The following CNTNAP2 variants were observed in gnomAD, a reference collection of about 807,000 sequenced individuals.
CNTNAP2 encodes contactin-associated protein-like 2.
Under a neutral mutation model 155.2 loss-of-function variants are expected in CNTNAP2, and 98 were observed. The observed-to-expected ratio is 0.63, with a 90% CI of 0.54 to 0.75. The LOEUF (loss-of-function observed/expected upper bound fraction) is 0.75. Ranked by LOEUF, CNTNAP2 falls within the 30% of genes least tolerant of loss-of-function variation. The pLI, the probability that CNTNAP2 is intolerant of heterozygous loss-of-function variation, is 0.00. For synonymous variants in CNTNAP2, 651 were observed against 631.2 expected (o/e 1.03, Z -0.47); for missense variants, 1,727 against 1,688.1 (o/e 1.02, Z -0.40).
chr7:146,451,847 C>CGTGTATATATACATACGTGTATATAT (rs1258913949), intron 1 of CNTNAP2, among the ~76,000 whole-genome samples: 1 of 83,748 alleles, frequency 1.2e-5, no homozygotes, highest in African/African-American at 3.7e-5. Context: ...TATATATATA[C>CGTGTATATATACATACGTGTATATAT]ACGTATTCTA....
chr7:146,216,766 AT>A (rs774047503), intron 1 of CNTNAP2, among the ~76,000 whole-genome samples: 83 of 152,370 alleles, frequency 5.4e-4, no homozygotes, highest in Non-Finnish European at 9.0e-4. Flanking sequence ...AGTGACTGTC[AT>A]TCCATAAAAT....
intron 1 of CNTNAP2, among the ~76,000 whole-genome samples, chr7:146,420,487 T>C (rs1276325152): frequency 1.3e-5 from 2 of 152,088 alleles, no homozygotes; most frequent in Non-Finnish European, 2.9e-5. Context: ...TTTAAGATTC[T>C]ATTATTGAGA....
chr7:147,766,817 TATCCCTC>T (rs1176605022), intron 13 of CNTNAP2, among the ~76,000 whole-genome samples: 1 of 152,164 alleles, frequency 6.6e-6, no homozygotes, highest in Non-Finnish European at 1.5e-5. Flanking sequence ...CTTTCTCCTG[TATCCCTC>T]ATCTGTTCTA....
chr7:148,164,012 G>C (rs993895700), intron 17 of CNTNAP2, among the ~76,000 whole-genome samples: 12 of 152,190 alleles, frequency 7.9e-5, no homozygotes, highest in African/African-American at 2.7e-4. Context: ...TCGGCTCACT[G>C]TAGCCTCTGC....
intron 3 of CNTNAP2, among the ~76,000 whole-genome samples, chr7:146,902,340 T>C (rs550486053): frequency 2.6e-5 from 4 of 152,342 alleles, no homozygotes; most frequent in Non-Finnish European, 5.9e-5. Context: ...TTTTGAAATA[T>C]ACTTTGTTTC....
chr7:147,243,221 C>T (rs931255298), intron 8 of CNTNAP2, among the ~76,000 whole-genome samples: 3 of 151,934 alleles, frequency 2.0e-5, no homozygotes, highest in Admixed American at 1.3e-4. Flanking sequence ...TGGTCTCGAT[C>T]TCCTGACCTC....
chr7:147,773,233 A>G (rs537707451), intron 13 of CNTNAP2, among the ~76,000 whole-genome samples: 3 of 152,192 alleles, frequency 2.0e-5, no homozygotes, highest in Admixed American at 2.0e-4. Flanking sequence ...TAATGGAAGT[A>G]ATTTATGCTG....
chr7:146,269,798 T>C (rs1383498016), intron 1 of CNTNAP2, among the ~76,000 whole-genome samples: 1 of 152,210 alleles, frequency 6.6e-6, no homozygotes, highest in Non-Finnish European at 1.5e-5. Context: ...TAGCTGTTGC[T>C]TCATGTGTGG....
chr7:147,924,143 C>CTTTTTTTT (rs71527854), intron 14 of CNTNAP2, among the ~76,000 whole-genome samples: 32,059 of 122,598 alleles, frequency 0.26, 5,506 homozygotes, highest in South Asian at 0.38. Context: ...CTTTTCTTTT[C>CTTTTTTTT]TTTTTTTTTT....
intron 15 of CNTNAP2, among the ~76,000 whole-genome samples, chr7:148,040,318 A>G (rs1370664773): frequency 2.0e-5 from 3 of 152,264 alleles, no homozygotes; most frequent in East Asian, 1.9e-4. Flanking sequence ...GCTTACAACC[A>G]CGGAGAGATC....
chr7:146,407,307 A>G (rs802195), intron 1 of CNTNAP2, among the ~76,000 whole-genome samples: 68,129 of 152,038 alleles, frequency 0.45, 18,469 homozygotes, highest in African/African-American at 0.76. Context: ...AATTAAAAAT[A>G]TGGAGATAAG....
intron 15 of CNTNAP2, among the ~76,000 whole-genome samples, chr7:147,998,253 A>T (rs1801842118): frequency 6.6e-6 from 1 of 151,368 alleles, no homozygotes; most frequent in Non-Finnish European, 1.5e-5. Flanking sequence ...CTGGGATTAC[A>T]GGCGCCCGCC....
chr7:146,181,176 A>C (rs570912652), intron 1 of CNTNAP2, among the ~76,000 whole-genome samples: 1 of 152,258 alleles, frequency 6.6e-6, no homozygotes, highest in Admixed American at 6.5e-5. Flanking sequence ...TGATGACTAT[A>C]CCCAACTTTG....
chr7:147,089,262 G>A (rs955437951), intron 4 of CNTNAP2, among the ~76,000 whole-genome samples: 4 of 152,082 alleles, frequency 2.6e-5, no homozygotes, highest in East Asian at 1.9e-4. Context: ...TCAAGTGATC[G>A]GAGTCCTGGC....
chr7:147,536,675 T>C (rs1199490369), intron 11 of CNTNAP2, among the ~76,000 whole-genome samples: 1 of 152,176 alleles, frequency 6.6e-6, no homozygotes, highest in Non-Finnish European at 1.5e-5. Flanking sequence ...CTCAGTACAT[T>C]TCAAGGTGGT....
At chr7:148,172,511 G>T (rs1274748876) in intron 18 of CNTNAP2, 33 bp downstream of exon 18, 1 of 1,580,976 alleles carries the variant, frequency 6.3e-7, no homozygotes, top group Admixed American at 1.7e-5. Context: ...AGCCACTTTT[G>T]CGTGTCTTTT....
At chr7:147,259,091 G>A (rs35916645) in intron 8 of CNTNAP2, among the ~76,000 whole-genome samples, 26,788 of 152,116 alleles carry the variant, frequency 0.18, 2,714 homozygotes, top group Middle Eastern at 0.27. Context: ...TCCAGTGTGC[G>A]TTATGGGTTG....
Position 146,775,805 on chromosome 7 carries a change from G to T in CNTNAP2, c.208+1424G>T, listed in dbSNP as rs1802380655. Among the ~76,000 whole-genome samples the T allele has an allele frequency of 2.0e-5, 3 of 151,914 alleles. No individual in the cohort carries two copies. In the South Asian group the frequency reaches 6.2e-4, roughly 31 times the overall value. ...TAGTGTATACAGAATAATATATAAG[G>T]TATTCACAGATCTATGAAGAGGTCT... On this transcript the variant is annotated intron_variant, in intron 2 of 23. Transcript: ENST00000361727.
chr7:147,243,148 C>G (rs780522468), intron 8 of CNTNAP2, among the ~76,000 whole-genome samples: 7 of 151,528 alleles, frequency 4.6e-5, no homozygotes, highest in Non-Finnish European at 8.8e-5. Context: ...AGGGGCCCAC[C>G]ACCACGCCCG....
Sources: gnomAD v4.1 joint callset for allele counts (sites outside exome capture counted in the v4.1 genomes callset) on GRCh38, gnomAD v4.1.1 for gene constraint, MANE v1.5 for transcripts, NCBI Gene and HGNC (gene_info 2026-07-23, HGNC 2026-07-21) for gene names.